TMEM114: variants seen among roughly 807,000 people sequenced by gnomAD.
TMEM114 encodes transmembrane protein 114.
Under a neutral mutation model 6.2 loss-of-function variants are expected in TMEM114, and 6 were observed. That is an observed-to-expected ratio of 0.97 (90% CI 0.53 to 1.91). The LOEUF is 1.91. TMEM114 is among the 40% of genes most tolerant of loss of function. The pLI is 0.01. For missense variants in TMEM114, 218 were observed against 158.3 expected (o/e 1.38, Z -2.02); for synonymous variants, 104 against 73.0 (o/e 1.42, Z -2.16).
intron 2 of TMEM114, among the ~76,000 whole-genome samples, chr16:8,554,067 C>G (rs149328209): frequency 6.6e-6 from 1 of 152,160 alleles, no homozygotes; most frequent in South Asian, 2.1e-4. Flanking sequence ...TTTGTAGAGA[C>G]AGGGTTTCAC....
At chr16:8,536,538 G>C (rs1395417002), downstream of TMEM114, among the ~76,000 whole-genome samples, 1 of 152,196 alleles carries the variant, frequency 6.6e-6, no homozygotes, top group African/African-American at 2.4e-5. Flanking sequence ...ATCAGCTCAA[G>C]TAATGAAGTC....
At chr16:8,583,330 C>T (rs1175389673) in intron 2 of TMEM114, among the ~76,000 whole-genome samples, 3 of 152,168 alleles carry the variant, frequency 2.0e-5, no homozygotes, top group Non-Finnish European at 4.4e-5. Context: ...TGAATTAGAG[C>T]AGGAAGAGGA....
At chr16:8,556,307 C>G (rs986562929) in intron 2 of TMEM114, among the ~76,000 whole-genome samples, 1 of 152,204 alleles carries the variant, frequency 6.6e-6, no homozygotes, top group African/African-American at 2.4e-5. Context: ...AGAGATCCTT[C>G]TAGGGCACAA....
chr16:8,562,058 G>C (rs184232046), intron 2 of TMEM114, among the ~76,000 whole-genome samples: 54 of 151,852 alleles, frequency 3.6e-4, no homozygotes, highest in Admixed American at 3.3e-4. Context: ...GTGAGTGAAT[G>C]AGTGAGTAAA....
intron 2 of TMEM114, among the ~76,000 whole-genome samples, chr16:8,545,203 C>T (rs971992653): frequency 2.0e-5 from 3 of 152,018 alleles, no homozygotes; most frequent in African/African-American, 4.8e-5. Context: ...TTTGGGAGGC[C>T]AAGGTGGGAA....
intron 2 of TMEM114, among the ~76,000 whole-genome samples, chr16:8,554,141 A>G (rs1250235735): frequency 2.0e-5 from 3 of 152,144 alleles, no homozygotes; most frequent in African/African-American, 7.2e-5. Flanking sequence ...GGCCTCCCTA[A>G]GACTACTTCA....
chr16:8,533,050 C>A (rs1428820704), downstream of TMEM114, among the ~76,000 whole-genome samples: 1 of 152,114 alleles, frequency 6.6e-6, no homozygotes, highest in African/African-American at 2.4e-5. Context: ...TAAATAAAGT[C>A]CCTACCATAA....
At chr16:8,533,910 G>A (rs959919312), downstream of TMEM114, among the ~76,000 whole-genome samples, 1 of 152,278 alleles carries the variant, frequency 6.6e-6, no homozygotes, top group East Asian at 1.9e-4. Flanking sequence ...ATGCAATCAG[G>A]CATTTCAGAA....
At chr16:8,561,096 C>A (rs1189987727) in intron 2 of TMEM114, among the ~76,000 whole-genome samples, 1 of 152,296 alleles carries the variant, frequency 6.6e-6, no homozygotes, top group Non-Finnish European at 1.5e-5. Context: ...ATTCGATTAT[C>A]TCGCACAGGG....
the TMEM114 span, among the ~76,000 whole-genome samples, chr16:8,527,235 T>C: frequency 2.6e-5 from 4 of 152,076 alleles, no homozygotes; most frequent in East Asian, 7.7e-4. Flanking sequence ...TAAATAACTA[T>C]TCCCTCACTG....
At chr16:8,539,780 A>G (rs1175717755) in intron 2 of TMEM114, among the ~76,000 whole-genome samples, 2 of 152,204 alleles carry the variant, frequency 1.3e-5, no homozygotes, top group Admixed American at 6.5e-5. Context: ...AAATGGAAGT[A>G]ACTTTAAAAA....
At chr16:8,570,292 G>T (rs367936261) in intron 3 of TMEM114, among the ~76,000 whole-genome samples, 1 of 151,026 alleles carries the variant, frequency 6.6e-6, no homozygotes, top group South Asian at 2.1e-4. Flanking sequence ...TCACTGCCCA[G>T]GTCACAATTG....
chr16:8,582,733 T>C (rs1474690597), intron 2 of TMEM114, among the ~76,000 whole-genome samples: 1 of 152,010 alleles, frequency 6.6e-6, no homozygotes, highest in Non-Finnish European at 1.5e-5. Context: ...CTACTAAAAA[T>C]ACAAAAATGA....
At chr16:8,575,903 C>G (rs1035689599) in intron 2 of TMEM114, among the ~76,000 whole-genome samples, 1 of 152,244 alleles carries the variant, frequency 6.6e-6, no homozygotes, top group Middle Eastern at 3.4e-3. Flanking sequence ...TCTCTCAGGC[C>G]GGGAGACCTG....
chr16:8,557,449 T>C (rs1901050401), intron 2 of TMEM114, among the ~76,000 whole-genome samples: 1 of 152,180 alleles, frequency 6.6e-6, no homozygotes, highest in Non-Finnish European at 1.5e-5. Context: ...CACTGCCTGC[T>C]GTTCCAGCTC....
At chr16:8,563,726 T>G (rs1235937759) in intron 2 of TMEM114, among the ~76,000 whole-genome samples, 1 of 149,540 alleles carries the variant, frequency 6.7e-6, no homozygotes, top group Non-Finnish European at 1.5e-5. Context: ...AGTGAATGAG[T>G]CAGTGAGTGA....
At chr16:8,559,916 G>T (rs1901143834) in intron 2 of TMEM114, among the ~76,000 whole-genome samples, 1 of 152,210 alleles carries the variant, frequency 6.6e-6, no homozygotes. Flanking sequence ...TGAATGGGAG[G>T]CAGAAGTGGG....
At chr16:8,545,216 T>C (rs1392337199) in intron 2 of TMEM114, among the ~76,000 whole-genome samples, 4 of 152,154 alleles carry the variant, frequency 2.6e-5, no homozygotes, top group African/African-American at 4.8e-5. Context: ...GGTGGGAAGA[T>C]TACTTGCATC....
chr16:8,589,268 C>T lies in TMEM114; in HGVS notation c.246G>A (p.Met82Ile), dbSNP rs1902410478. Residue 82 changes from methionine (M) to isoleucine (I), a missense_variant, in exon 2 of 4, where the codon ATG becomes ATA. Transcript: ENST00000620492. ...TCACGTTCTCCAGCCTGAAGGGGTT[C>T]ATCAGCGGTGTGCACGGGCTCTGCA... ...CRVQSPCTPL[M>I]NPFRLENVTV... 2 of 398,718 alleles carry T rather than the reference C, an allele frequency of 5.0e-6. No individual in the cohort carries two copies. Among genetic ancestry groups the T allele is most frequent in the African/African-American group, 4.1e-5 (2 of 48,636 alleles). 24.7% of individuals were successfully genotyped at this position (398,718 alleles called of 1,614,324 possible).
Sources: allele counts gnomAD v4.1 joint callset (sites outside exome capture counted in the v4.1 genomes callset), GRCh38; gene constraint gnomAD v4.1.1; transcripts MANE v1.5; gene names NCBI Gene and HGNC (gene_info 2026-07-23, HGNC 2026-07-21).